Variants in CAMTA1 observed in about 807,000 individuals in gnomAD.
CAMTA1 encodes the protein calmodulin-binding transcription activator 1.
A neutral mutation model predicts 170.9 loss-of-function variants in CAMTA1; 27 were observed. The observed-to-expected ratio is 0.16, with a 90% confidence interval of 0.12 to 0.22. The LOEUF is 0.22. CAMTA1 is among the 10% of genes least tolerant of loss of function. CAMTA1 has a pLI of 1.00. For missense variants in CAMTA1, 1,619 were observed against 2,217.2 expected, an observed-to-expected ratio of 0.73 and a Z score of 5.42; for synonymous variants, 833 against 891.5, an observed-to-expected ratio of 0.93 and a Z score of 1.17.
intron 6 of CAMTA1, among the ~76,000 whole-genome samples, chr1:7,617,602 G>A (rs1259977016): frequency 6.6e-6 from 1 of 152,078 alleles, no homozygotes; most frequent in Non-Finnish European, 1.5e-5. Flanking sequence ...TCCCTGCTAA[G>A]CAGACACTTA....
At chr1:7,579,860 T>G (rs1397765231) in intron 6 of CAMTA1, among the ~76,000 whole-genome samples, 1 of 152,214 alleles carries the variant, frequency 6.6e-6, no homozygotes, top group Non-Finnish European at 1.5e-5. Flanking sequence ...GCGCCCAGCC[T>G]TAAAGTCCAC....
chr1:7,126,144 G>GC lies in CAMTA1; in HGVS notation c.302+34778dup, dbSNP rs574788633. On this transcript the variant is annotated intron_variant, in intron 4 of 22. Coordinates refer to ENST00000303635, the MANE Select transcript of CAMTA1 (RefSeq NM_015215.4). The stretch of plus-strand genomic sequence containing the variant: ...CCATGAGAACAGTATGGGGGAAGCT[G>GC]CCCCCATGATTCAGGTATCTCCCAC... 1.1e-3 allele frequency among the ~76,000 whole-genome samples: 171 copies of GC among 152,222 alleles called. 1 individual carries two copies. Among genetic ancestry groups the GC allele is most frequent in the Non-Finnish European group, 2.0e-3 (133 of 68,006 alleles).
chr1:7,515,858 G>A (rs1289373563), intron 6 of CAMTA1, among the ~76,000 whole-genome samples: 4 of 152,218 alleles, frequency 2.6e-5, no homozygotes, highest in African/African-American at 9.6e-5. Context: ...CGTGGGACAT[G>A]GGTCCCAAAT....
chr1:7,044,930 A>T lies in CAMTA1; in HGVS notation c.235-46374A>T, dbSNP rs1705132953. Among the ~76,000 whole-genome samples, 1 of 151,628 alleles carries T rather than the reference A, an allele frequency of 6.6e-6. No individual in the cohort carries two copies. The highest frequency in any genetic ancestry group is 2.4e-5 in the African/African-American group (1 of 41,196). ...AAAATCCCCCAAAATAAAAACTCAT[A>T]CTTGTTTCTATGGGCTTCCTATGTT... On this transcript the variant is annotated intron_variant, in intron 3 of 22. Coordinates refer to ENST00000303635, the MANE Select transcript of CAMTA1 (RefSeq NM_015215.4). The surrounding 1 kb of genome is among the most constrained non-coding windows in gnomAD (Gnocchi z 5.0).
rs192567912 is a variant in CAMTA1, at chr1:7,737,084, T to C, written c.3342+75T>C. The C allele has an allele frequency of 2.0e-5, 28 of 1,366,018 alleles. No individual in the cohort carries two copies. The African/African-American group carries it at 3.6e-4, about 17-fold the overall frequency. The allele number at this position is 1,366,018 out of a possible 1,614,324, so 84.6% of individuals were successfully genotyped here. A position where few individuals can be genotyped will look rare whatever the true frequency, so the allele number is the denominator to read the frequency against. Reference sequence around the variant, plus strand: ...ATAGGATTTGCCTGGTTCCCACCGTTGTCTCTTGCTGACACATGGCATGTT... The same window carrying C: ...ATAGGATTTGCCTGGTTCCCACCGTCGTCTCTTGCTGACACATGGCATGTT... On this transcript the variant is annotated intron_variant, in intron 14 of 22. Coordinates refer to ENST00000303635, the MANE Select transcript of CAMTA1 (RefSeq NM_015215.4).
chr1:7,582,304 C>A (rs907224134), intron 6 of CAMTA1, among the ~76,000 whole-genome samples: 1 of 152,158 alleles, frequency 6.6e-6, no homozygotes, highest in Non-Finnish European at 1.5e-5. Context: ...GCGTTACTGA[C>A]CTGATTTCCT....
At chr1:7,497,238 C>T (rs776044583) in intron 6 of CAMTA1, among the ~76,000 whole-genome samples, 11 of 152,174 alleles carry the variant, frequency 7.2e-5, no homozygotes, top group Non-Finnish European at 1.3e-4. Context: ...CCATCAGACA[C>T]GATGGCTGGT....
intron 11 of CAMTA1, among the ~76,000 whole-genome samples, chr1:7,695,174 C>T (rs1027644145): frequency 6.6e-6 from 1 of 152,158 alleles, no homozygotes; most frequent in Non-Finnish European, 1.5e-5. Context: ...ATGCTGCAGA[C>T]ACAGCCCCCA....
intron 7 of CAMTA1, among the ~76,000 whole-genome samples, chr1:7,645,163 G>A (rs749700929): frequency 2.0e-5 from 3 of 152,214 alleles, no homozygotes; most frequent in Non-Finnish European, 4.4e-5. Flanking sequence ...GACTTTGAGT[G>A]GAGTCGACTG....
intron 5 of CAMTA1, among the ~76,000 whole-genome samples, chr1:7,348,359 G>A (rs1280961484): frequency 2.0e-5 from 3 of 152,158 alleles, no homozygotes. Flanking sequence ...CAAGGAGGTC[G>A]TGCCAGTCAT....
At position 7,422,106 on chromosome 1, in the gene CAMTA1, A is replaced by C. The variant is rs1057465677; in HGVS notation, c.439-45724A>C. On this transcript the variant is annotated intron_variant, in intron 5 of 22. Coordinates refer to ENST00000303635, the MANE Select transcript of CAMTA1 (RefSeq NM_015215.4). ...AGAACATAAAGCAGGGCTGACTGGCAGGAGGGTCTGAAGGGGCAGAGTGGG... is the reference window on the plus strand; with the variant it reads ...AGAACATAAAGCAGGGCTGACTGGCCGGAGGGTCTGAAGGGGCAGAGTGGG... Among the ~76,000 whole-genome samples the C allele has an allele frequency of 2.6e-5, 4 of 152,198 alleles. No individual in the cohort carries two copies. The East Asian group carries it at 7.7e-4, about 29-fold the overall frequency.
intron 4 of CAMTA1, among the ~76,000 whole-genome samples, chr1:7,130,202 G>A (rs1002925925): frequency 3.3e-5 from 5 of 152,162 alleles, no homozygotes; most frequent in African/African-American, 1.2e-4. Context: ...GCCTCCCAAA[G>A]TGCTCGGATT....
intron 3 of CAMTA1, among the ~76,000 whole-genome samples, chr1:7,015,265 A>G (rs1427814991): frequency 6.6e-6 from 1 of 152,038 alleles, no homozygotes; most frequent in Non-Finnish European, 1.5e-5. Context: ...CGGATTTCCT[A>G]CGTTGTCCCC....
intron 3 of CAMTA1, among the ~76,000 whole-genome samples, chr1:6,948,005 C>A (rs1045646129): frequency 1.3e-5 from 2 of 152,012 alleles, no homozygotes; most frequent in African/African-American, 4.8e-5. Context: ...AATATGGATA[C>A]CTTTTGTTTC....
intron 4 of CAMTA1, among the ~76,000 whole-genome samples, chr1:7,194,043 A>G (rs889985918): frequency 6.6e-6 from 1 of 152,240 alleles, no homozygotes; most frequent in Non-Finnish European, 1.5e-5. Flanking sequence ...GAAGCATTTT[A>G]TACGTAAACG....
chr1:7,195,254 C>T lies in CAMTA1; in HGVS notation c.303-54237C>T, dbSNP rs1462160459. On this transcript the variant is annotated intron_variant, in intron 4 of 22. Coordinates refer to ENST00000303635, the MANE Select transcript of CAMTA1 (RefSeq NM_015215.4). The surrounding 1 kb of genome is among the most constrained non-coding windows in gnomAD (Gnocchi z 4.1). ...GCAGCTCCCACGTTCTCACACCATTCGACATTTGGGGTGACCAAGTCATGC... is the reference window on the plus strand; with the variant it reads ...GCAGCTCCCACGTTCTCACACCATTTGACATTTGGGGTGACCAAGTCATGC... 1.3e-5 allele frequency among the ~76,000 whole-genome samples: 2 copies of T among 152,160 alleles called. No individual in the cohort carries two copies. Among genetic ancestry groups the T allele is most frequent in the Non-Finnish European group, 2.9e-5 (2 of 68,042 alleles).
At chr1:6,803,562 G>C (rs1644145604) in intron 1 of CAMTA1, among the ~76,000 whole-genome samples, 1 of 152,204 alleles carries the variant, frequency 6.6e-6, no homozygotes, top group Non-Finnish European at 1.5e-5. Flanking sequence ...ATTTACAGCT[G>C]TTTAGTCATT....
intron 5 of CAMTA1, among the ~76,000 whole-genome samples, chr1:7,283,408 C>A (rs567794042): frequency 2.2e-4 from 33 of 152,304 alleles, no homozygotes; most frequent in African/African-American, 7.7e-4. Context: ...GGTTCCAGCT[C>A]ATCCATACCT....
chr1:7,099,232 G>A (rs1642439387), intron 4 of CAMTA1, among the ~76,000 whole-genome samples: 1 of 152,138 alleles, frequency 6.6e-6, no homozygotes, highest in African/African-American at 2.4e-5. Flanking sequence ...TGTATTTTTA[G>A]TAGAGATGGG....
Sources: gnomAD v4.1 joint callset for allele counts (sites outside exome capture counted in the v4.1 genomes callset) on GRCh38, gnomAD v4.1.1 for gene constraint, Gnocchi (gnomAD v3.1) non-coding constraint, MANE v1.5 for transcripts, NCBI Gene and HGNC (gene_info 2026-07-23, HGNC 2026-07-21) for gene names.